KMT2C: variants seen among roughly 807,000 people sequenced by gnomAD.
KMT2C encodes lysine methyltransferase 2C, also known as histone-lysine N-methyltransferase 2C.
In KMT2C, 88 loss-of-function variants were observed where a neutral mutation model predicts 507.9. That is an observed-to-expected ratio of 0.17 (90% CI 0.15 to 0.21). The LOEUF (loss-of-function observed/expected upper bound fraction) is 0.21, where lower values mean the gene tolerates loss of function less well. Among genes scored for constraint, KMT2C ranks in the 10% least tolerant of loss-of-function variants. The probability of loss-of-function intolerance (pLI) is 1.00; values close to 1 mark genes in which losing one functional copy is unlikely to be tolerated. For missense variants in KMT2C, 4,954 were observed against 5,957.8 expected (o/e 0.83, Z 5.55); for synonymous variants, 2,049 against 2,080.8 (o/e 0.98, Z 0.42).
Position 152,180,092 on chromosome 7 carries a change from T to C in KMT2C, c.7184A>G (p.Gln2395Arg), listed in dbSNP as rs766237758. The change falls in exon 37 of 59, where the codon CAA becomes CGA. Residue 2395 changes from glutamine (Q) to arginine (R), a missense_variant. Gln to Arg is a conservative substitution (Grantham distance 43). Transcript: ENST00000262189. Reference sequence around the variant, plus strand: ...TCGACCTGCAATCTTCTTCTGCTGTTGCTGCTGGAGAATGATTTCACGTAA... The same window carrying C: ...TCGACCTGCAATCTTCTTCTGCTGTCGCTGCTGGAGAATGATTTCACGTAA... ...QKLREIILQQ[Q>R]QQKKIAGRQE... 3 of 1,614,218 alleles carry C rather than the reference T, an allele frequency of 1.9e-6. No individual in the cohort carries two copies. The highest frequency in any genetic ancestry group is 2.5e-6 in the Non-Finnish European group (3 of 1,180,042).
At position 152,292,560 on chromosome 7, in the gene KMT2C, T is replaced by C. The variant is rs148923119; in HGVS notation, c.849+17406A>G. 1.7e-3 allele frequency among the ~76,000 whole-genome samples: 252 copies of C among 152,340 alleles called. 1 individual carries two copies. The highest frequency in any genetic ancestry group is 2.4e-3 in the Non-Finnish European group (161 of 68,030). On this transcript the variant is annotated intron_variant, in intron 6 of 58. Transcript: ENST00000262189. The stretch of plus-strand genomic sequence containing the variant: ...TTATGATTTCCTGTGTCATAAAATA[T>C]TATTCCCTTTTAAATTTTTTTCAGA...
chr7:152,208,895 G>A (rs772882103), intron 23 of KMT2C, among the ~76,000 whole-genome samples: 5 of 152,170 alleles, frequency 3.3e-5, no homozygotes, highest in Admixed American at 6.5e-5. Flanking sequence ...GCCAGGCACG[G>A]TGGCTCATGC....
At chr7:152,226,172 A>G (rs1156452443) in intron 18 of KMT2C, among the ~76,000 whole-genome samples, 1 of 151,492 alleles carries the variant, frequency 6.6e-6, no homozygotes, top group Non-Finnish European at 1.5e-5. Flanking sequence ...CGACTGCCTC[A>G]GACGTGGAGG....
chr7:152,348,029 A>G (rs1199798508), intron 2 of KMT2C, among the ~76,000 whole-genome samples: 1 of 152,222 alleles, frequency 6.6e-6, no homozygotes, highest in East Asian at 1.9e-4. Flanking sequence ...TACAGATCCC[A>G]TGGAATCTTA....
intron 2 of KMT2C, among the ~76,000 whole-genome samples, chr7:152,357,210 G>C (rs867536117): frequency 1.3e-5 from 2 of 151,180 alleles, no homozygotes; most frequent in African/African-American, 4.9e-5. Context: ...CTGGGAGAGA[G>C]AGCAAGACTC....
At chr7:152,289,342 T>C (rs2096365021) in intron 6 of KMT2C, among the ~76,000 whole-genome samples, 1 of 152,192 alleles carries the variant, frequency 6.6e-6, no homozygotes, top group Non-Finnish European at 1.5e-5. Flanking sequence ...AGAATATCAC[T>C]GATGAAGCAG....
intron 38 of KMT2C, among the ~76,000 whole-genome samples, chr7:152,175,008 A>G (rs1375532444): frequency 6.6e-6 from 1 of 152,246 alleles, no homozygotes; most frequent in Non-Finnish European, 1.5e-5. Flanking sequence ...ACATATGGCA[A>G]CAATGGTTGG....
intron 6 of KMT2C, among the ~76,000 whole-genome samples, chr7:152,290,286 ATATATATAT>A (rs2096400226): frequency 5.9e-5 from 2 of 33,812 alleles, no homozygotes; most frequent in East Asian, 8.7e-4. Flanking sequence ...ATATATATAT[ATATATATAT>A]TTTTTTTTTT....
At chr7:152,329,209 A>G (rs2129211002) in intron 3 of KMT2C, among the ~76,000 whole-genome samples, 1 of 152,252 alleles carries the variant, frequency 6.6e-6, no homozygotes, top group Middle Eastern at 3.4e-3. Flanking sequence ...CTCCACAGCA[A>G]CTAGCAAAAG....
At chr7:152,238,933 G>C (rs1392146316) in intron 14 of KMT2C, 107 bp from the exon 15 acceptor site, 2 of 1,103,744 alleles carry the variant, frequency 1.8e-6, no homozygotes, top group African/African-American at 3.3e-5. Context: ...GCAAACGTAT[G>C]GAAATTTAGG....
intron 1 of KMT2C, among the ~76,000 whole-genome samples, chr7:152,364,298 CA>C (rs1309187120): frequency 5.3e-5 from 8 of 152,132 alleles, no homozygotes; most frequent in Non-Finnish European, 1.0e-4. Context: ...AAGGTAACAT[CA>C]AAAGATAACA....
chr7:152,158,511 GTTTTTT>G (rs566073420), intron 44 of KMT2C, among the ~76,000 whole-genome samples: 2 of 128,164 alleles, frequency 1.6e-5, no homozygotes. Context: ...TGAATTGTTT[GTTTTTT>G]TTTTGTTTTT....
intron 23 of KMT2C, among the ~76,000 whole-genome samples, chr7:152,209,896 T>C (rs1209276245): frequency 2.0e-5 from 3 of 151,960 alleles, no homozygotes; most frequent in Admixed American, 1.3e-4. Flanking sequence ...CCTTTGGAAA[T>C]AAGTGGGAGA....
At chr7:152,149,274 G>A in intron 51 of KMT2C, 122 bp from the exon 52 acceptor site, 1 of 872,774 alleles carries the variant, frequency 1.1e-6, no homozygotes, top group Non-Finnish European at 1.6e-6. Flanking sequence ...GGGGCAGAGG[G>A]AGAGTCAGCA....
intron 6 of KMT2C, among the ~76,000 whole-genome samples, chr7:152,282,157 C>T (rs1447106699): frequency 6.6e-6 from 1 of 152,044 alleles, no homozygotes; most frequent in East Asian, 1.9e-4. Context: ...ATTAGCCAGG[C>T]GTGGTGGTGC....
chr7:152,312,041 T>A (rs2096676835), intron 4 of KMT2C, 95 bp from the exon 5 acceptor site: 1 of 937,418 alleles, frequency 1.1e-6, no homozygotes, highest in Non-Finnish European at 1.5e-6. Flanking sequence ...AAATCAATTT[T>A]AATTTATCAG....
intron 31 of KMT2C, among the ~76,000 whole-genome samples, chr7:152,190,907 A>C (rs2093771593): frequency 1.3e-5 from 2 of 152,162 alleles, no homozygotes; most frequent in African/African-American, 4.8e-5. Context: ...TAACTGTACA[A>C]CCTGTCTCTA....
intron 32 of KMT2C, 53 bp downstream of exon 32, chr7:152,187,662 A>C (rs2093665415): frequency 5.1e-6 from 8 of 1,577,338 alleles, no homozygotes; most frequent in Non-Finnish European, 6.0e-6. Flanking sequence ...TTTATATATA[A>C]ATCAAACAGA....
chr7:152,360,095 A>C (rs2097184473), intron 1 of KMT2C, among the ~76,000 whole-genome samples: 1 of 149,724 alleles, frequency 6.7e-6, no homozygotes, highest in South Asian at 2.2e-4. Flanking sequence ...GACAATATGA[A>C]ATAAAAGAAT....
Sources: gnomAD v4.1 joint callset for allele counts (sites outside exome capture counted in the v4.1 genomes callset) on GRCh38, gnomAD v4.1.1 for gene constraint, MANE v1.5 for transcripts, NCBI Gene and HGNC (gene_info 2026-07-23, HGNC 2026-07-21) for gene names.